EYS: variants seen among roughly 807,000 people sequenced by gnomAD.
EYS encodes EGF-like photoreceptor maintenance factor.
EYS carries 250 observed loss-of-function variants against 282.1 expected under a neutral mutation model. That is an observed-to-expected ratio of 0.89 (90% CI 0.80 to 0.98). The LOEUF (loss-of-function observed/expected upper bound fraction) is 0.98. Among genes scored for constraint, EYS ranks in the 50% least tolerant of loss-of-function variants. The pLI is 0.00. For missense variants in EYS, 4,016 were observed against 3,709.0 expected, an observed-to-expected ratio of 1.08 and a Z score of -2.15; for synonymous variants, 1,355 against 1,282.9, an observed-to-expected ratio of 1.06 and a Z score of -1.20.
At chr6:64,155,987 T>C (rs529390921) in intron 31 of EYS, among the ~76,000 whole-genome samples, 100 of 151,286 alleles carry the variant, frequency 6.6e-4, no homozygotes, top group Non-Finnish European at 1.1e-3. Context: ...TTTATATATA[T>C]ATATGTGTGT....
At chr6:65,701,896 T>A (rs1322939855) in intron 1 of EYS, among the ~76,000 whole-genome samples, 1 of 152,210 alleles carries the variant, frequency 6.6e-6, no homozygotes, top group Non-Finnish European at 1.5e-5. Flanking sequence ...GGCATTGAGT[T>A]GCATTCTTTT....
intron 29 of EYS, among the ~76,000 whole-genome samples, chr6:64,322,665 T>C (rs1164550620): frequency 1.3e-5 from 2 of 152,062 alleles, no homozygotes; most frequent in Non-Finnish European, 2.9e-5. Context: ...CAGGGGCAAA[T>C]AATCATTTTC....
intron 41 of EYS, among the ~76,000 whole-genome samples, chr6:63,738,931 G>A (rs1016126498): frequency 2.0e-5 from 3 of 152,164 alleles, no homozygotes; most frequent in East Asian, 1.9e-4. Flanking sequence ...TTTGGAGATC[G>A]TTGCTACATA....
intron 12 of EYS, among the ~76,000 whole-genome samples, chr6:65,243,094 GATTTGCAACAAAAAATAAACTT>G (rs1767094622): frequency 1.1e-5 from 1 of 90,506 alleles, no homozygotes; most frequent in African/African-American, 6.6e-5. Flanking sequence ...AAAATAAACT[GATTTGCAACAAAAAATAAACTT>G]AATTTTGTCA....
At chr6:63,830,611 G>A (rs1771602954) in intron 36 of EYS, among the ~76,000 whole-genome samples, 2 of 152,304 alleles carry the variant, frequency 1.3e-5, no homozygotes, top group East Asian at 1.9e-4. Flanking sequence ...GAAAGTGATG[G>A]GGAGAATGGA....
chr6:64,105,142 T>C (rs2150261711), intron 31 of EYS, among the ~76,000 whole-genome samples: 1 of 152,018 alleles, frequency 6.6e-6, no homozygotes, highest in Non-Finnish European at 1.5e-5. Flanking sequence ...AGCAGAATCA[T>C]CAGAATCTGC....
At chr6:64,647,512 A>G (rs1419703108) in intron 22 of EYS, among the ~76,000 whole-genome samples, 2 of 152,204 alleles carry the variant, frequency 1.3e-5, no homozygotes, top group Non-Finnish European at 2.9e-5. Flanking sequence ...ACAAATAGCT[A>G]TGTACAGATT....
intron 19 of EYS, among the ~76,000 whole-genome samples, chr6:64,862,247 T>C (rs1766272894): frequency 6.6e-6 from 1 of 152,208 alleles, no homozygotes; most frequent in Non-Finnish European, 1.5e-5. Context: ...TCTATGTTTT[T>C]CTGTAATGAA....
At chr6:63,732,801 C>T (rs557742666) in intron 41 of EYS, among the ~76,000 whole-genome samples, 13 of 152,156 alleles carry the variant, frequency 8.5e-5, no homozygotes, top group Admixed American at 2.6e-4. Flanking sequence ...GCTACCTGTC[C>T]GGGACATAAC....
chr6:65,457,805 T>C (rs2150407234), intron 5 of EYS, among the ~76,000 whole-genome samples: 1 of 152,312 alleles, frequency 6.6e-6, no homozygotes, highest in South Asian at 2.1e-4. Context: ...CTAGACCTAA[T>C]TAGATGTGTA....
rs1055042564 is a variant in EYS at position 65,366,498 on chromosome 6, A to T, written c.1300-12881T>A. Reference sequence around the variant, plus strand: ...TTGATTGACTTCTTTTGTGTATTTTATATACATTTTTAGAGAGGACCTATC... The same window carrying T: ...TTGATTGACTTCTTTTGTGTATTTTTTATACATTTTTAGAGAGGACCTATC... On this transcript the variant is annotated intron_variant, in intron 8 of 42. Coordinates refer to ENST00000503581, the MANE Select transcript of EYS (RefSeq NM_001142800.2). Among the ~76,000 whole-genome samples, 2 of 151,866 alleles carry T rather than the reference A, an allele frequency of 1.3e-5. 1 individual carries two copies. The highest frequency in any genetic ancestry group is 1.3e-4 in the Admixed American group (2 of 14,982).
chr6:65,665,187 T>A (rs73742031), intron 1 of EYS, among the ~76,000 whole-genome samples: 7,711 of 152,220 alleles, frequency 0.051, 600 homozygotes, highest in African/African-American at 0.17. Flanking sequence ...AGTCATAATG[T>A]CTTAACTTCA....
At chr6:65,659,906 G>C (rs1477636597) in intron 1 of EYS, among the ~76,000 whole-genome samples, 8 of 151,740 alleles carry the variant, frequency 5.3e-5, no homozygotes, top group African/African-American at 1.9e-4. Flanking sequence ...CAAGAAGTCA[G>C]AATTGCAGAT....
chr6:64,471,761 A>G (rs1318398323), intron 26 of EYS, among the ~76,000 whole-genome samples: 1 of 152,162 alleles, frequency 6.6e-6, no homozygotes, highest in African/African-American at 2.4e-5. Flanking sequence ...GAATCACAAT[A>G]CTCCAAATAA....
chr6:65,604,813 T>C (rs1175649609), intron 2 of EYS, among the ~76,000 whole-genome samples: 1 of 150,924 alleles, frequency 6.6e-6, no homozygotes, highest in African/African-American at 2.4e-5. Flanking sequence ...ATGATGTTCA[T>C]TGTAAAAGAC....
chr6:63,981,301 C>T (rs1016698305), intron 35 of EYS, among the ~76,000 whole-genome samples: 3 of 151,692 alleles, frequency 2.0e-5, no homozygotes, highest in African/African-American at 7.3e-5. Context: ...CTCCGTGGTC[C>T]TATAGCTCTC....
chr6:64,567,966 C>G (rs1765612428), intron 26 of EYS, among the ~76,000 whole-genome samples: 1 of 152,296 alleles, frequency 6.6e-6, no homozygotes, highest in South Asian at 2.1e-4. Flanking sequence ...GAGAAAGTCT[C>G]TGGTCTTCTG....
chr6:63,862,760 T>A (rs1158037063), intron 36 of EYS, among the ~76,000 whole-genome samples: 1 of 152,194 alleles, frequency 6.6e-6, no homozygotes, highest in Non-Finnish European at 1.5e-5. Flanking sequence ...GGACACAACT[T>A]CAATTCTATT....
intron 30 of EYS, among the ~76,000 whole-genome samples, chr6:64,251,770 G>C (rs1442263835): frequency 6.6e-6 from 1 of 152,036 alleles, no homozygotes; most frequent in Non-Finnish European, 1.5e-5. Context: ...AGATTATCTG[G>C]TCACACACCA....
Sources: allele counts gnomAD v4.1 joint callset (sites outside exome capture counted in the v4.1 genomes callset), GRCh38; gene constraint gnomAD v4.1.1; transcripts MANE v1.5; gene names NCBI Gene and HGNC (gene_info 2026-07-23, HGNC 2026-07-21).